ATP5F1A: variants seen among roughly 807,000 people sequenced by gnomAD.
ATP5F1A encodes the protein ATP synthase F(1) complex subunit alpha, mitochondrial.
Under a neutral mutation model 57.4 loss-of-function variants are expected in ATP5F1A, and 24 were observed. The observed-to-expected ratio is 0.42, with a 90% CI of 0.30 to 0.59. The LOEUF (loss-of-function observed/expected upper bound fraction) is 0.59. Among genes scored for constraint, ATP5F1A ranks in the 20% least tolerant of loss-of-function variants. ATP5F1A has a pLI of 0.19. For missense variants in ATP5F1A, 494 were observed against 707.9 expected (o/e 0.70, Z 3.43); for synonymous variants, 251 against 255.5 (o/e 0.98, Z 0.17).
intron 8 of ATP5F1A, 111 bp downstream of exon 8, chr18:46,086,897 A>G: frequency 8.1e-7 from 1 of 1,234,864 alleles, no homozygotes; most frequent in Non-Finnish European, 1.1e-6. Flanking sequence ...ATTTTCCATA[A>G]TAAAAAGTAA....
rs1184674978 is a variant in ATP5F1A at position 46,098,152 on chromosome 18, T to C, written c.60+20A>G. ...CAGCCCCACCCGGCCGCCTGCATCA[T>C]GCCGGCCTTCGGTGCTCACCAGTCC... On this transcript the variant is annotated intron_variant, in intron 1 of 11. Transcript: ENST00000398752. 2.5e-6 allele frequency: 4 copies of C among 1,596,186 alleles called. No individual in the cohort carries two copies. The highest frequency in any genetic ancestry group is 3.4e-6 in the Non-Finnish European group (4 of 1,175,050).
At chr18:46,100,636 G>A (rs1911248751), upstream of ATP5F1A, among the ~76,000 whole-genome samples, 1 of 152,106 alleles carries the variant, frequency 6.6e-6, no homozygotes, top group South Asian at 2.1e-4. Flanking sequence ...AAAGAGAACT[G>A]TTGTATATTG....
At position 46,081,811 on chromosome 18, in the gene ATP5F1A, CA is replaced by C. The variant is rs1405553547; in HGVS notation, c.*2470del. ...AAAGCAAGAGTTGATCAGAAATGAC[CA>C]ACTGCTATCAAGTTTAGTGTTCCTC... is the stretch of plus-strand genomic sequence containing the variant. On this transcript the variant is annotated 3_prime_UTR_variant, in exon 12 of 12. Coordinates refer to ENST00000398752, the MANE Select transcript of ATP5F1A (RefSeq NM_004046.6). The C allele has an allele frequency of 6.6e-6, 1 of 151,292 alleles. No homozygotes were observed. The highest frequency in any genetic ancestry group is 1.9e-4 in the East Asian group (1 of 5,176). The allele number at this position is 151,292 out of a possible 1,614,324, so 9.4% of individuals were successfully genotyped here. A position where few individuals can be genotyped will look rare whatever the true frequency, so the allele number is the denominator to read the frequency against.
At chr18:46,094,528 A>C (rs1266200895) in intron 2 of ATP5F1A, among the ~76,000 whole-genome samples, 1 of 152,004 alleles carries the variant, frequency 6.6e-6, no homozygotes, top group Non-Finnish European at 1.5e-5. Flanking sequence ...TTAGCCGGGC[A>C]TGGTGGTGCA....
chr18:46,101,458 A>G (rs1230412334), upstream of ATP5F1A, among the ~76,000 whole-genome samples: 3 of 152,010 alleles, frequency 2.0e-5, no homozygotes, highest in Non-Finnish European at 2.9e-5. Context: ...CCAGCTACTC[A>G]GGAGGCTGAG....
upstream of ATP5F1A, chr18:46,098,396 A>T: frequency 2.3e-6 from 3 of 1,288,834 alleles, no homozygotes; most frequent in South Asian, 5.4e-5. Flanking sequence ...GCCACTCTGC[A>T]TTTTTTGGCA....
rs1909763211 is a variant in ATP5F1A, at chr18:46,081,693, A to AAAAAAAAAAAAAAAG, written c.*2588_*2589insCTTTTTTTTTTTTTT. On this transcript the variant is annotated 3_prime_UTR_variant, in exon 12 of 12. Transcript: ENST00000398752. ...AAAAACAAAAAAAAAAAAAAAAAAA[A>AAAAAAAAAAAAAAAG]AAAACGAAATGTGCAGAACCTTCTA... The AAAAAAAAAAAAAAAG allele has an allele frequency of 6.8e-6, 1 of 146,564 alleles. No homozygotes were observed. Among genetic ancestry groups the AAAAAAAAAAAAAAAG allele is most frequent in the Non-Finnish European group, 1.5e-5 (1 of 66,076 alleles). The allele number at this position is 146,564 out of a possible 1,614,324, so 9.1% of individuals were successfully genotyped here.
At chr18:46,093,076 GAGA>G (rs1281437826) in intron 2 of ATP5F1A, 1 of 152,002 alleles carries the variant, frequency 6.6e-6, no homozygotes, top group African/African-American at 2.4e-5. Context: ...TTGAACCTGG[GAGA>G]AGGAGGTTGC....
At chr18:46,090,078 C>CTTGTGGG in intron 3 of ATP5F1A, 82 bp from the exon 4 acceptor site, 1 of 91,942 alleles carries the variant, frequency 1.1e-5, no homozygotes, top group Non-Finnish European at 1.9e-5. Flanking sequence ...AGAAAATAGT[C>CTTGTGGG]GGGGGGTGGG....
rs1599777906 is a variant in ATP5F1A, at chr18:46,089,937, T to C, written c.369A>G (p.Lys123=). Residue 123 remains lysine (K), a synonymous_variant, in exon 4 of 12, where the codon AAA becomes AAG. Transcript: ENST00000398752. ...TCACTATATCTCCTTCCTTAATTAG[T>C]TTATCATTTCCAAACACGACAACAC... ...NVGVVVFGND[K]LIKEGDIVKR... is the part of the protein sequence containing the mutation. The C allele has an allele frequency of 6.2e-7, 1 of 1,613,166 alleles. No individual in the cohort carries two copies. The highest frequency in any genetic ancestry group is 8.5e-7 in the Non-Finnish European group (1 of 1,179,744).
chr18:46,087,900 A>C, intron 6 of ATP5F1A: 1 of 565,006 alleles, frequency 1.8e-6, no homozygotes, highest in Non-Finnish European at 3.0e-6. Flanking sequence ...AAAAAGAGTT[A>C]ATCAGAATCA....
At chr18:46,088,077 TA>T in intron 6 of ATP5F1A, 31 bp downstream of exon 6, 1 of 1,583,098 alleles carries the variant, frequency 6.3e-7, no homozygotes, top group Non-Finnish European at 8.5e-7. Context: ...GGACTTAAGA[TA>T]ATAGCAATGG....
intron 2 of ATP5F1A, among the ~76,000 whole-genome samples, chr18:46,092,617 T>TTA (rs10524147): frequency 0.43 from 63,211 of 146,088 alleles, 14,160 homozygotes; most frequent in Middle Eastern, 0.55. Flanking sequence ...CACACAAAAA[T>TTA]TATATATATA....
chr18:46,095,502 A>G (rs1910879449), intron 1 of ATP5F1A, among the ~76,000 whole-genome samples: 1 of 151,944 alleles, frequency 6.6e-6, no homozygotes. Context: ...TTTTTAGTAG[A>G]GACGGGGTTT....
At chr18:46,090,534 T>A (rs1910481958) in intron 3 of ATP5F1A, among the ~76,000 whole-genome samples, 1 of 152,178 alleles carries the variant, frequency 6.6e-6, no homozygotes, top group Admixed American at 6.5e-5. Flanking sequence ...CAGCACCAAA[T>A]CATCTCTCAT....
chr18:46,085,758 C>A (rs917296036), intron 10 of ATP5F1A: 10 of 195,364 alleles, frequency 5.1e-5, no homozygotes, highest in Non-Finnish European at 7.4e-5. Context: ...CATGGTGAAA[C>A]CCTGTCTCTA....
rs920917513 is a variant in ATP5F1A at position 46,086,646 on chromosome 18, T to C, written c.1177-152A>G. 16 of 688,554 alleles carry C rather than the reference T, an allele frequency of 2.3e-5. No individual in the cohort carries two copies. In the African/African-American group the frequency reaches 2.7e-4, roughly 12 times the overall value. The allele number at this position is 688,554 out of a possible 1,614,324, so 42.7% of individuals were successfully genotyped here. On this transcript the variant is annotated intron_variant, in intron 8 of 11. Transcript: ENST00000398752. ...TCTTTCACGACCTGACCTGTATATT[T>C]TATTGCTGCAATTAGGAGATGTGCA...
chr18:46,080,340 C>G lies in ATP5F1A; in HGVS notation c.*3942G>C, dbSNP rs1568240027. 6.6e-6 allele frequency: 1 copy of G among 152,152 alleles called. No individual in the cohort carries two copies. The highest frequency in any genetic ancestry group is 1.5e-5 in the Non-Finnish European group (1 of 68,032). 9.4% of individuals were successfully genotyped at this position (152,152 alleles called of 1,614,324 possible). A position where few individuals can be genotyped will look rare whatever the true frequency, so the allele number is the denominator to read the frequency against. ...AGTGCCTTCTCAAATGTTCACCACCCCCAGTGATAAGATAAATGCACACAG... is the reference window on the plus strand; with the variant it reads ...AGTGCCTTCTCAAATGTTCACCACCGCCAGTGATAAGATAAATGCACACAG... On this transcript the variant is annotated 3_prime_UTR_variant, in exon 12 of 12. Coordinates refer to ENST00000398752, the MANE Select transcript of ATP5F1A (RefSeq NM_004046.6).
chr18:46,090,640 T>C (rs1489577694), intron 3 of ATP5F1A, among the ~76,000 whole-genome samples: 2 of 152,204 alleles, frequency 1.3e-5, no homozygotes, highest in Non-Finnish European at 2.9e-5. Context: ...GGAGAAGTAC[T>C]TGGAGTATCA....
Sources: allele counts gnomAD v4.1 joint callset (sites outside exome capture counted in the v4.1 genomes callset), GRCh38; gene constraint gnomAD v4.1.1; transcripts MANE v1.5; gene names NCBI Gene and HGNC (gene_info 2026-07-23, HGNC 2026-07-21).